GPR137B: variants seen among roughly 807,000 people sequenced by gnomAD.
GPR137B encodes integral membrane protein GPR137B.
In GPR137B, 42 loss-of-function variants were observed where a neutral mutation model predicts 42.5. That is an observed-to-expected ratio of 0.99 (90% CI 0.77 to 1.28). The LOEUF (loss-of-function observed/expected upper bound fraction) is 1.28. Among genes scored for constraint, GPR137B ranks in the 50% most tolerant of loss-of-function variants. The pLI, the probability that GPR137B is intolerant of heterozygous loss-of-function variation, is 0.00. For missense variants in GPR137B, 487 were observed against 493.9 expected, an observed-to-expected ratio of 0.99 and a Z score of 0.13; for synonymous variants, 218 against 209.7, an observed-to-expected ratio of 1.04 and a Z score of -0.34.
At chr1:236,180,721 A>G (rs111936830) in intron 4 of GPR137B, among the ~76,000 whole-genome samples, 9,516 of 151,468 alleles carry the variant, frequency 0.063, 846 homozygotes, top group African/African-American at 0.2. Flanking sequence ...GGTTCAAGCA[A>G]TTCTCCTGCG....
At chr1:236,154,996 T>G (rs1019011340) in intron 1 of GPR137B, among the ~76,000 whole-genome samples, 7 of 152,208 alleles carry the variant, frequency 4.6e-5, no homozygotes, top group African/African-American at 1.7e-4. Context: ...GTTAAGCAGT[T>G]AAGAAACATA....
chr1:236,170,064 AGAAT>A (rs1241572706), intron 2 of GPR137B, among the ~76,000 whole-genome samples: 12 of 144,938 alleles, frequency 8.3e-5, no homozygotes, highest in Non-Finnish European at 1.2e-4. Flanking sequence ...AAAAAAAAAA[AGAAT>A]GGTCAGGTTT....
At chr1:236,176,326 T>C (rs1333647443) in intron 2 of GPR137B, among the ~76,000 whole-genome samples, 1 of 152,130 alleles carries the variant, frequency 6.6e-6, no homozygotes, top group Non-Finnish European at 1.5e-5. Flanking sequence ...CACACAGCTC[T>C]TGGGGGGTGG....
Position 236,153,557 on chromosome 1 carries a change from G to A in GPR137B, c.414+10521G>A, listed in dbSNP as rs1400926688. On this transcript the variant is annotated intron_variant, in intron 1 of 6. Transcript: ENST00000366592. The stretch of plus-strand genomic sequence containing the variant: ...ACATTTAGGTTGTTTCATCATGCGC[G>A]TTTGAGTGCTTGTTGTGTGCCAGAC... Among the ~76,000 whole-genome samples the A allele has an allele frequency of 7.2e-5, 11 of 152,296 alleles. No homozygotes were observed. In the East Asian group the frequency reaches 1.4e-3, roughly 19 times the overall value.
chr1:236,162,432 G>A (rs6699754), intron 1 of GPR137B, among the ~76,000 whole-genome samples: 4,804 of 152,292 alleles, frequency 0.032, 227 homozygotes, highest in African/African-American at 0.11. Flanking sequence ...ATTCAAGCAC[G>A]CTACAGAAAT....
At chr1:236,198,946 T>C (rs1663418600) in intron 5 of GPR137B, among the ~76,000 whole-genome samples, 2 of 152,250 alleles carry the variant, frequency 1.3e-5, no homozygotes. Flanking sequence ...TGAATAGAAG[T>C]GGTGAAAGAG....
chr1:236,149,317 G>A (rs1034836827), intron 1 of GPR137B, among the ~76,000 whole-genome samples: 4 of 152,184 alleles, frequency 2.6e-5, no homozygotes, highest in Admixed American at 2.6e-4. Flanking sequence ...CTCCTTTGCA[G>A]ATGAGCCGAC....
chr1:236,176,252 A>G (rs1662681521), intron 2 of GPR137B, among the ~76,000 whole-genome samples: 1 of 152,068 alleles, frequency 6.6e-6, no homozygotes, highest in African/African-American at 2.4e-5. Flanking sequence ...TCTGTTTGAA[A>G]AGCTCTGAGT....
rs769100993 is a variant in GPR137B at position 236,142,875 on chromosome 1, T to G, written c.253T>G (p.Cys85Gly). Residue 85 changes from cysteine to glycine, a missense_variant, in exon 1 of 7, where the codon TGC (cysteine) becomes GGC (glycine). By Grantham distance (159) the Cys-to-Gly change is radical. Transcript: ENST00000366592. ...LSYQSVFLFLCLFWASLRTVL... is the reference protein window; with the variant it reads ...LSYQSVFLFLGLFWASLRTVL... ...CTACCAGAGCGTCTTCCTCTTTCTCTGCCTCTTCTGGGCCTCCCTGCGGAC... is the reference window on the plus strand; with the variant it reads ...CTACCAGAGCGTCTTCCTCTTTCTCGGCCTCTTCTGGGCCTCCCTGCGGAC... 1 of 1,614,234 alleles carries G rather than the reference T, an allele frequency of 6.2e-7. No individual in the cohort carries two copies. The highest frequency in any genetic ancestry group is 1.1e-5 in the South Asian group (1 of 91,088).
At chr1:236,177,978 A>G (rs1045050533) in intron 2 of GPR137B, among the ~76,000 whole-genome samples, 5 of 152,098 alleles carry the variant, frequency 3.3e-5, no homozygotes, top group Non-Finnish European at 5.9e-5. Context: ...AGACCTATAC[A>G]TAAGGTAGGT....
At position 236,208,336 on chromosome 1, in the gene GPR137B, G is replaced by A. The variant is rs555997946; in HGVS notation, c.*178G>A. ...TGTAGACTGATAAACCCTTATTTTA[G>A]TACTAAAGAGGGAGCCTTGCTATTT... On this transcript the variant is annotated 3_prime_UTR_variant, in exon 7 of 7. Transcript: ENST00000366592. 9.8e-4 allele frequency: 1,287 copies of A among 1,313,290 alleles called. 3 individuals are homozygous for A. Among genetic ancestry groups the A allele is most frequent in the South Asian group, 1.8e-3 (68 of 38,682 alleles). The allele number at this position is 1,313,290 out of a possible 1,614,324, so 81.4% of individuals were successfully genotyped here.
At chr1:236,202,921 G>A (rs1663537963) in intron 5 of GPR137B, among the ~76,000 whole-genome samples, 1 of 152,126 alleles carries the variant, frequency 6.6e-6, no homozygotes. Context: ...TCATTCTTCT[G>A]CATATGGATA....
Position 236,183,836 on chromosome 1 carries a change from T to C in GPR137B, c.896T>C (p.Phe299Ser). 6.2e-7 allele frequency: 1 copy of C among 1,604,682 alleles called. No homozygotes were observed. The highest frequency in any genetic ancestry group is 8.5e-7 in the Non-Finnish European group (1 of 1,171,500). The change falls in exon 5 of 7, where the codon TTT (phenylalanine) becomes TCT (serine). Residue 299 changes from phenylalanine to serine, a missense_variant. By Grantham distance (155) the Phe-to-Ser change is radical (BLOSUM62 -2). Coordinates refer to ENST00000366592, the MANE Select transcript of GPR137B (RefSeq NM_003272.4). ...TACGTATTATTTGGAGTGGTGTTAT[T>C]TGTTTGGGAACTCTTACCTACCACC... is the stretch of plus-strand genomic sequence containing the variant. ...AGYVLFGVVL[F>S]VWELLPTTLV...
At chr1:236,177,399 CT>C (rs1384916106) in intron 2 of GPR137B, among the ~76,000 whole-genome samples, 1 of 152,100 alleles carries the variant, frequency 6.6e-6, no homozygotes, top group Admixed American at 6.5e-5. Flanking sequence ...AGAGCTGGGA[CT>C]AGAATCCCAG....
intron 1 of GPR137B, among the ~76,000 whole-genome samples, chr1:236,157,684 C>T (rs180970204): frequency 3.3e-5 from 5 of 152,200 alleles, no homozygotes; most frequent in African/African-American, 9.7e-5. Context: ...CCCTGTAGAA[C>T]CTGCATGTAC....
chr1:236,176,017 A>G (rs545678531), intron 2 of GPR137B, among the ~76,000 whole-genome samples: 15 of 151,928 alleles, frequency 9.9e-5, no homozygotes, highest in Non-Finnish European at 2.1e-4. Context: ...TGAAGCAAAG[A>G]GTGTGTCATA....
At chr1:236,175,369 C>T (rs763773263) in intron 2 of GPR137B, among the ~76,000 whole-genome samples, 6 of 152,066 alleles carry the variant, frequency 3.9e-5, no homozygotes, top group African/African-American at 7.3e-5. Flanking sequence ...ACATAAGTGG[C>T]CCCGCACAGT....
intron 1 of GPR137B, among the ~76,000 whole-genome samples, chr1:236,144,940 C>T (rs1661642362): frequency 6.6e-6 from 1 of 152,278 alleles, no homozygotes; most frequent in African/African-American, 2.4e-5. Flanking sequence ...TCTGCACCAT[C>T]TGCTGGTTGG....
At position 236,144,917 on chromosome 1, in the gene GPR137B, G is replaced by A. The variant is rs375492932; in HGVS notation, c.414+1881G>A. 3.0e-3 allele frequency among the ~76,000 whole-genome samples: 454 copies of A among 152,326 alleles called. 3 individuals are homozygous for A. The highest frequency in any genetic ancestry group is 0.01 in the African/African-American group (426 of 41,578). ...TGAACTTAGAGCCGGATTAGGGGCC[G>A]GGCTGCACATTTTCTGCACCATCTG... On this transcript the variant is annotated intron_variant, in intron 1 of 6. Coordinates refer to ENST00000366592, the MANE Select transcript of GPR137B (RefSeq NM_003272.4).
Sources: gnomAD v4.1 joint callset for allele counts (sites outside exome capture counted in the v4.1 genomes callset) on GRCh38, gnomAD v4.1.1 for gene constraint, MANE v1.5 for transcripts, NCBI Gene and HGNC (gene_info 2026-07-23, HGNC 2026-07-21) for gene names.